Variants in GLRX3 observed in about 807,000 individuals in gnomAD.
The protein encoded by GLRX3 is glutaredoxin 3.
A neutral mutation model predicts 49.5 loss-of-function variants in GLRX3; 22 were observed. That is an observed-to-expected ratio of 0.44 (90% confidence interval 0.32 to 0.63). The LOEUF (loss-of-function observed/expected upper bound fraction) is 0.63, where lower values mean the gene tolerates loss of function less well. Among genes scored for constraint, GLRX3 ranks in the 30% least tolerant of loss-of-function variants. The pLI, the probability that GLRX3 is intolerant of heterozygous loss-of-function variation, is 0.05. For synonymous variants in GLRX3, 133 were observed against 140.0 expected (o/e 0.95, Z 0.35); for missense variants, 385 against 396.3 (o/e 0.97, Z 0.24).
intron 1 of GLRX3, among the ~76,000 whole-genome samples, chr10:130,141,312 A>T (rs539392752): frequency 7.9e-5 from 12 of 150,964 alleles, no homozygotes; most frequent in South Asian, 4.2e-4. Flanking sequence ...GAAAAAAAAA[A>T]TTTTTTTTTT....
At chr10:130,160,423 G>C (rs965457641) in intron 3 of GLRX3, among the ~76,000 whole-genome samples, 2 of 152,190 alleles carry the variant, frequency 1.3e-5, no homozygotes, top group Non-Finnish European at 2.9e-5. Flanking sequence ...GCTGGTTCTG[G>C]TTTGATGAAT....
Position 130,166,615 on chromosome 10 carries a change from G to C in GLRX3, c.587G>C (p.Ser196Thr). 1 of 1,611,072 alleles carries C rather than the reference G, an allele frequency of 6.2e-7. No homozygotes were observed. Among genetic ancestry groups the C allele is most frequent in the East Asian group, 2.2e-5 (1 of 44,852 alleles). The change falls in exon 5 of 11, where the codon AGT (serine) becomes ACT (threonine). Residue 196 changes from serine to threonine, a missense_variant. By Grantham distance (58) the Ser-to-Thr change is moderately conservative (BLOSUM62 1). Around this residue, in one of 2 missense-constraint regions of GLRX3, gnomAD observed 374 missense variants for 358.6 expected, o/e 1.04. Transcript: ENST00000331244. ...CGACAGGGACTCAAAGCCTATTCCAGTTGGCCTACCTATCCTCAGCTCTAT... is the reference window on the plus strand; with the variant it reads ...CGACAGGGACTCAAAGCCTATTCCACTTGGCCTACCTATCCTCAGCTCTAT... ...EVRQGLKAYSSWPTYPQLYVS... is the reference protein window; with the variant it reads ...EVRQGLKAYSTWPTYPQLYVS...
chr10:130,167,429 A>G (rs1224088683), intron 6 of GLRX3, among the ~76,000 whole-genome samples: 3 of 152,196 alleles, frequency 2.0e-5, no homozygotes, highest in Non-Finnish European at 2.9e-5. Flanking sequence ...ACAAGCTTTG[A>G]GCACTTCTCA....
intron 10 of GLRX3, among the ~76,000 whole-genome samples, chr10:130,176,274 C>A (rs968133220): frequency 6.6e-6 from 1 of 152,048 alleles, no homozygotes; most frequent in African/African-American, 2.4e-5. Context: ...CACCCGCCAC[C>A]ACGCCCCACT....
intron 1 of GLRX3, among the ~76,000 whole-genome samples, chr10:130,141,303 A>G (rs1862169528): frequency 6.6e-6 from 1 of 151,254 alleles, no homozygotes; most frequent in South Asian, 2.1e-4. Context: ...TCAAAAAAAG[A>G]AAAAAAAAAT....
At chr10:130,148,272 A>C (rs775101307) in intron 2 of GLRX3, among the ~76,000 whole-genome samples, 1 of 151,916 alleles carries the variant, frequency 6.6e-6, no homozygotes, top group Admixed American at 6.6e-5. Flanking sequence ...AGCTGGGACT[A>C]TAGGTGTACA....
intron 10 of GLRX3, among the ~76,000 whole-genome samples, chr10:130,176,815 T>C (rs1862933329): frequency 6.7e-6 from 1 of 148,364 alleles, no homozygotes; most frequent in African/African-American, 2.5e-5. Flanking sequence ...TATAGTCTTA[T>C]TTTTGTAAGA....
In GLRX3 at chr10:130,167,767, C is replaced by T. The variant is rs80244382; in HGVS notation, c.713+787C>T. 8.5e-4 allele frequency among the ~76,000 whole-genome samples: 130 copies of T among 152,122 alleles called. 1 individual carries two copies. In the East Asian group the frequency reaches 0.014, roughly 17 times the overall value. ...AATAATAAATACCTCATTTGTCTGT[C>T]GTTAATTAATAATTTCTATAAACAG... On this transcript the variant is annotated intron_variant, in intron 6 of 10. Transcript: ENST00000331244.
chr10:130,160,156 C>A, intron 3 of GLRX3, 87 bp downstream of exon 3: 2 of 788,058 alleles, frequency 2.5e-6, no homozygotes, highest in Non-Finnish European at 4.5e-6. Context: ...TCTCTAATCC[C>A]CGAATATTAG....
chr10:130,168,291 G>A (rs913762112), intron 6 of GLRX3, among the ~76,000 whole-genome samples: 2 of 152,142 alleles, frequency 1.3e-5, no homozygotes, highest in African/African-American at 4.8e-5. Context: ...CCAGGTGACT[G>A]GGTTAGTTAG....
In GLRX3 at chr10:130,174,320, A is replaced by T. The variant is rs373046230; in HGVS notation, c.825-547A>T. On this transcript the variant is annotated intron_variant, in intron 8 of 10. Coordinates refer to ENST00000331244, the MANE Select transcript of GLRX3 (RefSeq NM_006541.5). ...ACATCCTGCTGCACGGGCAGCTTCC[A>T]GGAGGTTAAGAAGCAGCAGCCTGGG... is the stretch of plus-strand genomic sequence containing the variant. Among the ~76,000 whole-genome samples, 185 of 152,364 alleles carry T rather than the reference A, an allele frequency of 1.2e-3. 5 individuals are homozygous for T. In the South Asian group the frequency reaches 0.018, roughly 15 times the overall value.
intron 2 of GLRX3, among the ~76,000 whole-genome samples, chr10:130,152,445 G>A (rs910315359): frequency 5.9e-5 from 9 of 152,200 alleles, no homozygotes; most frequent in Non-Finnish European, 2.9e-5. Flanking sequence ...GGCTGGTACT[G>A]GTTGTTCCTT....
chr10:130,156,666 AG>A (rs1235263024), intron 2 of GLRX3, among the ~76,000 whole-genome samples: 2 of 152,354 alleles, frequency 1.3e-5, no homozygotes, highest in African/African-American at 4.8e-5. Flanking sequence ...TTACTGTCAC[AG>A]TGGCATCCGA....
intron 3 of GLRX3, 98 bp from the exon 4 acceptor site, chr10:130,160,698 C>T: frequency 2.8e-6 from 2 of 702,628 alleles, no homozygotes; most frequent in Non-Finnish European, 5.0e-6. Flanking sequence ...TCTTTTTTTA[C>T]ATCTCCGGTA....
intron 2 of GLRX3, among the ~76,000 whole-genome samples, chr10:130,153,553 C>T (rs1365828051): frequency 6.6e-6 from 1 of 152,116 alleles, no homozygotes; most frequent in Non-Finnish European, 1.5e-5. Flanking sequence ...CTAACGGGCC[C>T]CTCAGCTGCA....
At chr10:130,172,515 G>A (rs1321473740) in intron 8 of GLRX3, among the ~76,000 whole-genome samples, 1 of 152,172 alleles carries the variant, frequency 6.6e-6, no homozygotes, top group Non-Finnish European at 1.5e-5. Flanking sequence ...CTCATTTCAT[G>A]ATTGTATCTT....
At position 130,171,785 on chromosome 10, in the gene GLRX3, G is replaced by A; in HGVS notation, c.824+149G>A. 5 of 615,492 alleles carry A rather than the reference G, an allele frequency of 8.1e-6. No individual in the cohort carries two copies. In the South Asian group the frequency reaches 9.6e-5, roughly 12 times the overall value. 38.1% of individuals were successfully genotyped at this position (615,492 alleles called of 1,614,324 possible). On this transcript the variant is annotated intron_variant, in intron 8 of 10. Coordinates refer to ENST00000331244, the MANE Select transcript of GLRX3 (RefSeq NM_006541.5). ...GTTCGAGACCAGCCTGGACAACATAGTGAGACCCCATCGCCACAAAAAATA... is the reference window on the plus strand; with the variant it reads ...GTTCGAGACCAGCCTGGACAACATAATGAGACCCCATCGCCACAAAAAATA...
Position 130,145,322 on chromosome 10 carries a change from AT to A in GLRX3, c.201+6del. The stretch of plus-strand genomic sequence containing the variant: ...TCCCTCAAGTTTCATTTGTGAAGGT[AT>A]TTATATTTCAATGTCATGTCTTTTG... On this transcript the variant is annotated splice_donor_region_variant and intron_variant, in intron 2 of 10. Coordinates refer to ENST00000331244, the MANE Select transcript of GLRX3 (RefSeq NM_006541.5). The A allele has an allele frequency of 3.2e-6, 4 of 1,242,492 alleles. No individual in the cohort carries two copies. In the South Asian group the frequency reaches 3.6e-5, roughly 11 times the overall value. 77.0% of individuals were successfully genotyped at this position (1,242,492 alleles called of 1,614,324 possible). A position where few individuals can be genotyped will look rare whatever the true frequency, so the allele number is the denominator to read the frequency against.
At chr10:130,137,176 TGAACTGGTGTA>T (rs1862073484) in intron 1 of GLRX3, among the ~76,000 whole-genome samples, 1 of 152,336 alleles carries the variant, frequency 6.6e-6, no homozygotes, top group African/African-American at 2.4e-5. Context: ...TCCTGTTCCA[TGAACTGGTGTA>T]GTGAGAGTCT....
Sources: allele counts gnomAD v4.1 joint callset (sites outside exome capture counted in the v4.1 genomes callset), GRCh38; gene constraint gnomAD v4.1.1; regional missense constraint gnomAD v4.1.1; transcripts MANE v1.5; gene names NCBI Gene and HGNC (gene_info 2026-07-23, HGNC 2026-07-21).